The following ZNF717 variants were observed in gnomAD, a reference collection of about 807,000 sequenced individuals.
The protein encoded by ZNF717 is zinc finger protein 717.
In ZNF717, 9 loss-of-function variants were observed where a neutral mutation model predicts 13.8. That is an observed-to-expected ratio of 0.65 (90% CI 0.39 to 1.14). The LOEUF is 1.14. Ranked by LOEUF, ZNF717 falls within the 50% of genes most tolerant of loss-of-function variation. ZNF717 has a pLI of 0.01. For synonymous variants in ZNF717, 327 were observed against 364.1 expected, an observed-to-expected ratio of 0.90 and a Z score of 1.16; for missense variants, 1,040 against 1,080.7, an observed-to-expected ratio of 0.96 and a Z score of 0.53.
chr3:75,756,823 C>T (rs1038647788), intron 2 of ZNF717, among the ~76,000 whole-genome samples: 158 of 152,266 alleles, frequency 1.0e-3, no homozygotes, highest in African/African-American at 3.6e-3. Flanking sequence ...TACGGGCATG[C>T]GCCACCACGC....
At chr3:75,707,434 G>A (rs1280091885), downstream of ZNF717, among the ~76,000 whole-genome samples, 9 of 152,294 alleles carry the variant, frequency 5.9e-5, no homozygotes, top group African/African-American at 2.2e-4. Context: ...CCCAGGGGAT[G>A]CAAGCTAGTT....
chr3:75,776,250 T>C (rs546083877), intron 2 of ZNF717, among the ~76,000 whole-genome samples: 11 of 152,392 alleles, frequency 7.2e-5, no homozygotes, highest in African/African-American at 2.4e-4. Context: ...ATTAAATATA[T>C]TGGTGTGGTG....
intron 2 of ZNF717, among the ~76,000 whole-genome samples, chr3:75,766,831 T>C (rs1278270038): frequency 6.6e-6 from 1 of 152,242 alleles, no homozygotes; most frequent in Non-Finnish European, 1.5e-5. Flanking sequence ...AACAAATAGA[T>C]ATCCAGAAAA....
intron 4 of ZNF717, among the ~76,000 whole-genome samples, chr3:75,718,535 T>C (rs1372804026): frequency 2.0e-5 from 3 of 152,178 alleles, no homozygotes; most frequent in African/African-American, 7.2e-5. Flanking sequence ...AGAATAAATG[T>C]GATATACAGT....
chr3:75,737,229 C>A lies in ZNF717; in HGVS notation c.2394G>T (p.Lys798Asn), dbSNP rs1939407399. 1.3e-6 allele frequency: 2 copies of A among 1,553,342 alleles called. No homozygotes were observed. Among genetic ancestry groups the A allele is most frequent in the Admixed American group, 3.9e-5 (2 of 51,082 alleles). Residue 798 changes from lysine to asparagine, a missense_variant, in exon 5 of 5, where the codon AAG (lysine) becomes AAT (asparagine). Around this residue, in one of 3 missense-constraint regions of ZNF717, gnomAD observed 873 missense variants for 832.8 expected, o/e 1.05. Coordinates refer to ENST00000652011, the MANE Select transcript of ZNF717 (RefSeq NM_001290208.3). ...CDECRKTFYD[K>N]TVLTIHQRTH... ...TTCTCTGATGTATGGTGAGAACTGT[C>A]TTATCGTAAAAAGTTTTCCTACATT...
chr3:75,752,531 T>C (rs1575843892), intron 2 of ZNF717, among the ~76,000 whole-genome samples: 1 of 149,216 alleles, frequency 6.7e-6, no homozygotes. Flanking sequence ...AGAACACTGC[T>C]ACGAGGGTCT....
intron 2 of ZNF717, among the ~76,000 whole-genome samples, chr3:75,742,923 A>C (rs1314906109): frequency 6.6e-6 from 1 of 152,242 alleles, no homozygotes; most frequent in Non-Finnish European, 1.5e-5. Context: ...CTGCATAATA[A>C]CATTTCAGTC....
At chr3:75,724,325 C>G (rs1938233083) in intron 4 of ZNF717, among the ~76,000 whole-genome samples, 1 of 152,150 alleles carries the variant, frequency 6.6e-6, no homozygotes, top group Non-Finnish European at 1.5e-5. Flanking sequence ...TCTATGATCT[C>G]TCATCTCTGC....
chr3:75,754,302 A>G (rs957315310), intron 2 of ZNF717, among the ~76,000 whole-genome samples: 5 of 148,664 alleles, frequency 3.4e-5, no homozygotes, highest in African/African-American at 1.2e-4. Context: ...TTTAGTGGGT[A>G]CTTCATGCCT....
At position 75,783,468 on chromosome 3, in the gene ZNF717, C is replaced by T. The variant is rs1388247017; in HGVS notation, c.-2-104G>A. On this transcript the variant is annotated intron_variant, in intron 1 of 4. Transcript: ENST00000652011. ...AGACACATTACCTGGAAAAGCCCTC[C>T]TCCCTCCTGAAAAAGAAAAACTTCC... 6 of 880,094 alleles carry T rather than the reference C, an allele frequency of 6.8e-6. No individual in the cohort carries two copies. The South Asian group carries it at 7.1e-5, about 10-fold the overall frequency. The allele number at this position is 880,094 out of a possible 1,614,324, so 54.5% of individuals were successfully genotyped here. A position where few individuals can be genotyped will look rare whatever the true frequency, so the allele number is the denominator to read the frequency against.
chr3:75,727,355 A>G (rs1166377082), downstream of ZNF717, among the ~76,000 whole-genome samples: 1 of 152,272 alleles, frequency 6.6e-6, no homozygotes, highest in African/African-American at 2.4e-5. Flanking sequence ...GAAGATAACC[A>G]TAAGATCTGA....
At chr3:75,767,996 T>C (rs1481804729) in intron 2 of ZNF717, among the ~76,000 whole-genome samples, 2 of 151,852 alleles carry the variant, frequency 1.3e-5, no homozygotes, top group Non-Finnish European at 2.9e-5. Context: ...AAAAAGAACA[T>C]GGAGAATGAC....
rs1187086047 is a variant in ZNF717 at position 75,735,996 on chromosome 3, C to T, written c.*882G>A. The T allele has an allele frequency of 6.6e-6, 1 of 152,182 alleles. No individual in the cohort carries two copies. The highest frequency in any genetic ancestry group is 1.5e-5 in the Non-Finnish European group (1 of 68,042). The allele number at this position is 152,182 out of a possible 1,614,324, so 9.4% of individuals were successfully genotyped here. ...CCAACACCATGGGCTCACTTCACAT[C>T]TCTGTCACATCTTTTGGCAATCCCA... On this transcript the variant is annotated 3_prime_UTR_variant, in exon 5 of 5. Coordinates refer to ENST00000652011, the MANE Select transcript of ZNF717 (RefSeq NM_001290208.3).
In ZNF717 at chr3:75,782,768, C is replaced by T. The variant is rs141065395; in HGVS notation, c.57+538G>A. Among the ~76,000 whole-genome samples, 52 of 152,118 alleles carry T rather than the reference C, an allele frequency of 3.4e-4. No individual in the cohort carries two copies. The East Asian group carries it at 8.7e-3, about 26-fold the overall frequency. ...ATGCCGTGCTTTAGCGGACGATGAC[C>T]GTTTCCACTGCACAACACACCGTGC... On this transcript the variant is annotated intron_variant, in intron 2 of 4. Transcript: ENST00000652011.
chr3:75,705,736 G>A (rs372637579), downstream of ZNF717, among the ~76,000 whole-genome samples: 1,092 of 123,932 alleles, frequency 8.8e-3, no homozygotes, highest in Middle Eastern at 0.023. Flanking sequence ...TCTGGGAAGT[G>A]ACAGATGATA....
chr3:75,747,765 G>A (rs1941315784), intron 2 of ZNF717, among the ~76,000 whole-genome samples: 1 of 152,134 alleles, frequency 6.6e-6, no homozygotes, highest in Admixed American at 6.6e-5. Context: ...TTTGGGCTGA[G>A]ATGATGGGGT....
In ZNF717 at chr3:75,739,335, G is replaced by C. The variant is rs1490442788; in HGVS notation, c.288C>G (p.Ile96Met). 1 of 1,466,032 alleles carries C rather than the reference G, an allele frequency of 6.8e-7. No individual in the cohort carries two copies. The highest frequency in any genetic ancestry group is 1.4e-5 in the African/African-American group (1 of 70,314). 90.8% of individuals were successfully genotyped at this position (1,466,032 alleles called of 1,614,324 possible). ...GGCTCCTTTCAATAAGGTCATCAAT[G>C]ATCTGGACAGCTGAAATGAGAAAAA... ...TPNLRLSAVQ[I>M]IDDLIERSHE... is the part of the protein sequence containing the mutation. The change falls in exon 5 of 5, where the codon ATC becomes ATG. Residue 96 changes from isoleucine (I) to methionine (M), a missense_variant. Around this residue, in one of 3 missense-constraint regions of ZNF717, gnomAD observed 123 missense variants for 177.8 expected, o/e 0.69. Transcript: ENST00000652011.
intron 2 of ZNF717, among the ~76,000 whole-genome samples, chr3:75,765,042 T>C (rs1247122110): frequency 9.8e-6 from 1 of 102,088 alleles, no homozygotes; most frequent in African/African-American, 3.0e-5. Context: ...TATATGTGTG[T>C]GTGTGTGTGT....
Position 75,737,501 on chromosome 3 carries a change from C to A in ZNF717, c.2122G>T (p.Val708Leu). ...TGCCTTCTGATGAAAGGATTTTCCA[C>A]ATTCATTACATTCATAGGGCTTTTC... ...PGKSPMNVMN[V>L]ENPFIRRQIF... is the part of the protein sequence containing the mutation. The change falls in exon 5 of 5, where the codon GTG (valine) becomes TTG (leucine). Residue 708 changes from valine to leucine, a missense_variant. Val to Leu is a conservative substitution (Grantham distance 32). Around this residue, in one of 3 missense-constraint regions of ZNF717, gnomAD observed 873 missense variants for 832.8 expected, o/e 1.05. Coordinates refer to ENST00000652011, the MANE Select transcript of ZNF717 (RefSeq NM_001290208.3). 6.4e-7 allele frequency: 1 copy of A among 1,554,188 alleles called. No homozygotes were observed.
Sources: allele counts gnomAD v4.1 joint callset (sites outside exome capture counted in the v4.1 genomes callset), GRCh38; gene constraint gnomAD v4.1.1; regional missense constraint gnomAD v4.1.1; transcripts MANE v1.5; gene names NCBI Gene and HGNC (gene_info 2026-07-23, HGNC 2026-07-21).